WWOX: variants seen among roughly 807,000 people sequenced by gnomAD.
WWOX encodes WW domain containing oxidoreductase, also known as WW domain-containing oxidoreductase.
Under a neutral mutation model 46.2 loss-of-function variants are expected in WWOX, and 69 were observed. The ratio of observed to expected loss-of-function variants is 1.49; its 90% CI spans 1.23 to 1.82. The LOEUF (loss-of-function observed/expected upper bound fraction) is 1.82, where lower values mean the gene tolerates loss of function less well. Among genes scored for constraint, WWOX ranks in the 40% most tolerant of loss-of-function variants. The pLI is 0.00. For missense variants in WWOX, 919 were observed against 542.6 expected (o/e 1.69, Z -6.89); for synonymous variants, 359 against 202.6 (o/e 1.77, Z -6.56).
intron 4 of WWOX, among the ~76,000 whole-genome samples, chr16:78,153,747 C>G (rs918730879): frequency 2.6e-5 from 4 of 152,156 alleles, no homozygotes; most frequent in African/African-American, 9.7e-5. Flanking sequence ...TAAGCCCCAA[C>G]TCCTTTGGGC....
At chr16:78,897,303 G>C (rs59593503) in intron 8 of WWOX, 4 of 147,072 alleles carry the variant, frequency 2.7e-5, no homozygotes, top group African/African-American at 1.0e-4. Flanking sequence ...CCATCACGTC[G>C]GTAAGTATCT....
chr16:78,245,911 AAG>A (rs1318702691), intron 5 of WWOX, among the ~76,000 whole-genome samples: 1 of 152,208 alleles, frequency 6.6e-6, no homozygotes, highest in Non-Finnish European at 1.5e-5. Flanking sequence ...AAGGAGAACA[AAG>A]AGGGGGAATT....
intron 8 of WWOX, among the ~76,000 whole-genome samples, chr16:79,134,598 C>G (rs2049946732): frequency 6.6e-6 from 1 of 152,100 alleles, no homozygotes; most frequent in African/African-American, 2.4e-5. Flanking sequence ...TTTATAAATG[C>G]AGACACATAC....
chr16:78,390,172 A>G (rs940187159), intron 6 of WWOX, among the ~76,000 whole-genome samples: 5 of 152,194 alleles, frequency 3.3e-5, no homozygotes, highest in Non-Finnish European at 7.3e-5. Context: ...TCCTCATAGC[A>G]TGTGAGATCT....
intron 8 of WWOX, among the ~76,000 whole-genome samples, chr16:78,939,864 G>C (rs755649197): frequency 6.6e-6 from 1 of 152,150 alleles, no homozygotes; most frequent in Non-Finnish European, 1.5e-5. Flanking sequence ...TGGCATAGAC[G>C]TGTGGACGTT....
chr16:78,872,929 C>G (rs140258939), intron 8 of WWOX: 4 of 152,394 alleles, frequency 2.6e-5, no homozygotes, highest in African/African-American at 7.2e-5. Context: ...TCCTTTGTAT[C>G]TGGGACCACA....
At chr16:78,144,462 T>TATATATATATATACAC (rs1555543063) in intron 4 of WWOX, among the ~76,000 whole-genome samples, 1 of 23,628 alleles carries the variant, frequency 4.2e-5, no homozygotes, top group Non-Finnish European at 7.7e-5. Context: ...TATATATATA[T>TATATATATATATACAC]ACACACATAT....
chr16:78,702,494 T>C (rs1384481600), intron 8 of WWOX, among the ~76,000 whole-genome samples: 2 of 151,044 alleles, frequency 1.3e-5, no homozygotes, highest in Non-Finnish European at 2.9e-5. Context: ...CTACTAAAAA[T>C]ACAAAAATTA....
chr16:78,631,093 C>CCTGT (rs2046418024), intron 8 of WWOX, among the ~76,000 whole-genome samples: 1 of 152,068 alleles, frequency 6.6e-6, no homozygotes, highest in African/African-American at 2.4e-5. Context: ...ACAGGAGCAT[C>CCTGT]ACATACATTA....
At chr16:78,726,370 T>G (rs2048837468) in intron 8 of WWOX, among the ~76,000 whole-genome samples, 1 of 151,708 alleles carries the variant, frequency 6.6e-6, no homozygotes, top group Non-Finnish European at 1.5e-5. Context: ...GGACCACAGG[T>G]ATGCACCACC....
intron 8 of WWOX, among the ~76,000 whole-genome samples, chr16:79,055,275 G>A (rs1042688104): frequency 6.6e-6 from 1 of 151,540 alleles, no homozygotes; most frequent in Admixed American, 6.6e-5. Context: ...ATTACATTTT[G>A]CTGAGTTCAC....
chr16:78,214,776 G>T (rs1177376429), intron 5 of WWOX, among the ~76,000 whole-genome samples: 3 of 151,172 alleles, frequency 2.0e-5, no homozygotes, highest in Non-Finnish European at 4.4e-5. Flanking sequence ...TTCTTAATGA[G>T]CTACTTTATC....
intron 8 of WWOX, among the ~76,000 whole-genome samples, chr16:78,981,299 T>G (rs1597234276): frequency 6.6e-6 from 1 of 152,010 alleles, no homozygotes; most frequent in Non-Finnish European, 1.5e-5. Context: ...TAATGATCTT[T>G]ACGGGAATAA....
chr16:78,744,966 C>CT (rs1194704905), intron 8 of WWOX, among the ~76,000 whole-genome samples: 1 of 152,208 alleles, frequency 6.6e-6, no homozygotes, highest in Non-Finnish European at 1.5e-5. Flanking sequence ...CTGCGCTAAG[C>CT]TGACTTCATC....
chr16:79,026,008 G>A (rs1045499776), intron 8 of WWOX, among the ~76,000 whole-genome samples: 2 of 151,276 alleles, frequency 1.3e-5, no homozygotes, highest in Non-Finnish European at 2.9e-5. Flanking sequence ...GCCATGTTGT[G>A]CAGGCTGGTC....
intron 8 of WWOX, among the ~76,000 whole-genome samples, chr16:79,051,643 C>T (rs1247254227): frequency 6.6e-6 from 1 of 152,158 alleles, no homozygotes; most frequent in Non-Finnish European, 1.5e-5. Context: ...TTAGTGTTAT[C>T]CTTTCATGCC....
chr16:78,353,535 A>ATG (rs2081224768), intron 5 of WWOX, among the ~76,000 whole-genome samples: 1 of 152,056 alleles, frequency 6.6e-6, no homozygotes, highest in Non-Finnish European at 1.5e-5. Context: ...CAGGATTAGC[A>ATG]AGCCAAAGAC....
chr16:78,188,259 G>C (rs2035771006), intron 5 of WWOX, among the ~76,000 whole-genome samples: 1 of 152,102 alleles, frequency 6.6e-6, no homozygotes, highest in Admixed American at 6.6e-5. Context: ...GGAGGCCGAG[G>C]CGGGCAGATC....
intron 8 of WWOX, among the ~76,000 whole-genome samples, chr16:78,728,829 T>C (rs1484396402): frequency 6.6e-6 from 1 of 152,196 alleles, no homozygotes; most frequent in Non-Finnish European, 1.5e-5. Flanking sequence ...ACCTCAGGTA[T>C]GTCACTTAAA....
Sources: gnomAD v4.1 joint callset for allele counts (sites outside exome capture counted in the v4.1 genomes callset) on GRCh38, gnomAD v4.1.1 for gene constraint, MANE v1.5 for transcripts, NCBI Gene and HGNC (gene_info 2026-07-23, HGNC 2026-07-21) for gene names.